The following SCN11A variants were observed in gnomAD, a reference collection of about 807,000 sequenced individuals.
SCN11A encodes the protein sodium channel protein type 11 subunit alpha.
SCN11A carries 122 observed loss-of-function variants against 162.2 expected under a neutral mutation model. That is an observed-to-expected ratio of 0.75 (90% confidence interval 0.65 to 0.87). SCN11A has a LOEUF of 0.87. SCN11A is among the 40% of genes least tolerant of loss of function. The pLI is 0.00. For missense variants in SCN11A, 2,015 were observed against 2,181.6 expected (o/e 0.92, Z 1.52); for synonymous variants, 758 against 751.5 (o/e 1.01, Z -0.14).
chr3:38,850,268 G>C (rs2064753046), intron 29 of SCN11A: 3 of 540,732 alleles, frequency 5.5e-6, no homozygotes, highest in East Asian at 3.0e-5. Context: ...CTCTATTTCA[G>C]TTGTGTAGTG....
chr3:39,035,934 T>C (rs113914202), intron 1 of SCN11A, among the ~76,000 whole-genome samples: 4,396 of 152,266 alleles, frequency 0.029, 211 homozygotes, highest in African/African-American at 0.1. Flanking sequence ...CCACTGTGCC[T>C]GGCAACATTG....
At chr3:39,015,610 T>A (rs1384414801) in intron 2 of SCN11A, among the ~76,000 whole-genome samples, 1 of 152,232 alleles carries the variant, frequency 6.6e-6, no homozygotes, top group Non-Finnish European at 1.5e-5. Flanking sequence ...AAACAGAGGT[T>A]CATATATATG....
chr3:38,996,914 A>G (rs1310170186), intron 2 of SCN11A, among the ~76,000 whole-genome samples: 1 of 152,178 alleles, frequency 6.6e-6, no homozygotes, highest in Non-Finnish European at 1.5e-5. Context: ...ACTGTACAGG[A>G]TAAATGTTAA....
intron 2 of SCN11A, among the ~76,000 whole-genome samples, chr3:39,017,881 C>G (rs2125605567): frequency 6.6e-6 from 1 of 152,214 alleles, no homozygotes; most frequent in East Asian, 1.9e-4. Context: ...CTTTGCATGC[C>G]TGGCAATTTT....
At chr3:38,911,416 C>A (rs2125539384) in intron 11 of SCN11A, among the ~76,000 whole-genome samples, 1 of 152,194 alleles carries the variant, frequency 6.6e-6, no homozygotes, top group South Asian at 2.1e-4. Context: ...TTTTGGGTGA[C>A]CTTCTTTTGC....
intron 11 of SCN11A, among the ~76,000 whole-genome samples, chr3:38,912,497 G>A (rs1273360213): frequency 6.6e-6 from 1 of 151,734 alleles, no homozygotes; most frequent in African/African-American, 2.4e-5. Context: ...ATTATTTTAG[G>A]TTCTGGCGTA....
intron 5 of SCN11A, among the ~76,000 whole-genome samples, chr3:38,948,564 C>T (rs73828744): frequency 0.016 from 2,423 of 152,310 alleles, 68 homozygotes; most frequent in African/African-American, 0.056. Context: ...TGGCTTAAGC[C>T]ACTTTCCCAG....
At chr3:38,957,609 A>G (rs1000848745) in intron 3 of SCN11A, among the ~76,000 whole-genome samples, 4 of 152,172 alleles carry the variant, frequency 2.6e-5, no homozygotes, top group Non-Finnish European at 4.4e-5. Context: ...CCCAGGGGCC[A>G]GTCTTGCAGG....
In SCN11A at chr3:39,034,665, T is replaced by C. The variant is rs2031855484; in HGVS notation, c.-403-2162A>G. Among the ~76,000 whole-genome samples, 5 of 152,212 alleles carry C rather than the reference T, an allele frequency of 3.3e-5. No homozygotes were observed. The South Asian group carries it at 1.0e-3, about 32-fold the overall frequency. The stretch of plus-strand genomic sequence containing the variant: ...GGCATACAAATTGGAAAGAAAGAAG[T>C]CAAATTATCTTTGTTTGCAGATATG... On this transcript the variant is annotated intron_variant, in intron 1 of 29. Coordinates refer to ENST00000302328, the MANE Select transcript of SCN11A (RefSeq NM_001349253.2).
intron 1 of SCN11A, among the ~76,000 whole-genome samples, chr3:39,045,554 C>A (rs1189845527): frequency 6.6e-6 from 1 of 152,158 alleles, no homozygotes; most frequent in Non-Finnish European, 1.5e-5. Context: ...AAACGATCAT[C>A]TTAATCAATG....
intron 14 of SCN11A, among the ~76,000 whole-genome samples, chr3:38,906,000 C>G (rs1375773018): frequency 6.6e-6 from 1 of 152,204 alleles, no homozygotes; most frequent in Non-Finnish European, 1.5e-5. Flanking sequence ...GGTTCCGACT[C>G]ACCAGAGCCC....
Position 38,981,537 on chromosome 3 carries a change from TTGTG to T in SCN11A, c.-279-21118_-279-21115del, listed in dbSNP as rs10578149. Among the ~76,000 whole-genome samples the T allele has an allele frequency of 5.6e-3, 821 of 145,928 alleles. 10 individuals carry two copies. Among genetic ancestry groups the T allele is most frequent in the African/African-American group, 0.017 (658 of 39,854 alleles). ...GTGTTTCTGTGTTGTGTGTGTGTGT[TTGTG>T]TGTGTGTGTGTGTGTGTGTGTGTGT... On this transcript the variant is annotated intron_variant, in intron 2 of 29. Transcript: ENST00000302328.
intron 11 of SCN11A, among the ~76,000 whole-genome samples, chr3:38,912,883 T>A (rs1339520985): frequency 6.6e-6 from 1 of 152,246 alleles, no homozygotes; most frequent in Non-Finnish European, 1.5e-5. Flanking sequence ...TTGTCACTGA[T>A]AGGCATTCAG....
At chr3:38,954,665 A>AACACAC (rs1206268870) in intron 3 of SCN11A, among the ~76,000 whole-genome samples, 1 of 152,136 alleles carries the variant, frequency 6.6e-6, no homozygotes, top group Non-Finnish European at 1.5e-5. Context: ...AAAACAAAAA[A>AACACAC]ACACACACAC....
chr3:38,895,105 A>C, intron 18 of SCN11A, 141 bp from the exon 19 acceptor site: 30 of 681,152 alleles, frequency 4.4e-5, no homozygotes, highest in Non-Finnish European at 5.3e-5. Flanking sequence ...AAGAAAGCTC[A>C]TCTATCCAAT....
intron 22 of SCN11A, 139 bp downstream of exon 22, chr3:38,883,094 C>A (rs1364900370): frequency 1.5e-6 from 1 of 684,650 alleles, no homozygotes. Flanking sequence ...CAAAACCCTG[C>A]CCACTGCGGG....
At chr3:39,005,547 G>A (rs2030947580) in intron 2 of SCN11A, among the ~76,000 whole-genome samples, 2 of 152,192 alleles carry the variant, frequency 1.3e-5, no homozygotes, top group African/African-American at 4.8e-5. Flanking sequence ...AAGGCATTAA[G>A]TTTTGGCTCA....
intron 14 of SCN11A, 88 bp downstream of exon 14, chr3:38,907,853 GTAACTGAA>G: frequency 1.9e-6 from 2 of 1,057,762 alleles, no homozygotes; most frequent in South Asian, 1.6e-5. Context: ...GAATAAATGA[GTAACTGAA>G]TAAATGAATT....
intron 2 of SCN11A, among the ~76,000 whole-genome samples, chr3:39,000,801 C>A (rs1021055075): frequency 1.3e-5 from 2 of 152,122 alleles, no homozygotes; most frequent in African/African-American, 2.4e-5. Context: ...CTTTGGGAGG[C>A]CAAGGCGGGT....
Sources: allele counts gnomAD v4.1 joint callset (sites outside exome capture counted in the v4.1 genomes callset), GRCh38; gene constraint gnomAD v4.1.1; transcripts MANE v1.5; gene names NCBI Gene and HGNC (gene_info 2026-07-23, HGNC 2026-07-21).